ADGRB3: variants seen among roughly 807,000 people sequenced by gnomAD.
ADGRB3 encodes the protein adhesion G protein-coupled receptor B3, also known as brain-specific angiogenesis inhibitor 3.
A neutral mutation model predicts 193.4 loss-of-function variants in ADGRB3; 37 were observed. The ratio of observed to expected loss-of-function variants is 0.19; its 90% CI spans 0.15 to 0.25. The LOEUF (loss-of-function observed/expected upper bound fraction) is 0.25, where lower values mean the gene tolerates loss of function less well. Among genes scored for constraint, ADGRB3 ranks in the 10% least tolerant of loss-of-function variants. The pLI is 1.00. For missense variants in ADGRB3, 1,637 were observed against 1,852.9 expected (o/e 0.88, Z 2.14); for synonymous variants, 690 against 644.2 (o/e 1.07, Z -1.08).
At chr6:69,229,856 G>A (rs772146708) in intron 17 of ADGRB3, among the ~76,000 whole-genome samples, 2 of 152,158 alleles carry the variant, frequency 1.3e-5, no homozygotes, top group Non-Finnish European at 2.9e-5. Flanking sequence ...CTAGGAAACC[G>A]GGGAAAGGCA....
chr6:68,807,984 T>C (rs1767439265), intron 3 of ADGRB3, among the ~76,000 whole-genome samples: 1 of 152,186 alleles, frequency 6.6e-6, no homozygotes, highest in Non-Finnish European at 1.5e-5. Flanking sequence ...CTAACTTTAA[T>C]ATCTTTTTAC....
intron 29 of ADGRB3, among the ~76,000 whole-genome samples, chr6:69,364,956 T>A (rs1167454656): frequency 6.6e-6 from 1 of 152,108 alleles, no homozygotes; most frequent in African/African-American, 2.4e-5. Context: ...CCTTGGATTG[T>A]TCTTTATTTA....
chr6:68,913,395 G>A (rs1300197448), intron 3 of ADGRB3, among the ~76,000 whole-genome samples: 3 of 152,126 alleles, frequency 2.0e-5, no homozygotes, highest in Non-Finnish European at 2.9e-5. Flanking sequence ...ACGAAAATCC[G>A]CTGTTCTGCA....
At chr6:69,144,311 G>C (rs1425011271) in intron 17 of ADGRB3, among the ~76,000 whole-genome samples, 1 of 152,094 alleles carries the variant, frequency 6.6e-6, no homozygotes, top group Non-Finnish European at 1.5e-5. Flanking sequence ...TTTTTTCATG[G>C]AGTATTTAGT....
Position 69,339,463 on chromosome 6 carries a change from G to A in ADGRB3, c.3418G>A (p.Gly1140Ser). The A allele has an allele frequency of 1.2e-6, 2 of 1,613,976 alleles. No homozygotes were observed. Among genetic ancestry groups the A allele is most frequent in the Non-Finnish European group, 1.7e-6 (2 of 1,179,880 alleles). Reference sequence around the variant, plus strand: ...TTTTGCTGTGTTTGATTCATTGCAAGGCTTTGTTATAGTCATGGTCCACTG... The same window carrying A: ...TTTTGCTGTGTTTGATTCATTGCAAAGCTTTGTTATAGTCATGGTCCACTG... ...ILFAVFDSLQ[G>S]FVIVMVHCIL... The change falls in exon 26 of 32, where the codon GGC becomes AGC. Residue 1140 changes from glycine to serine, a missense_variant. By Grantham distance (56) the Gly-to-Ser change is moderately conservative. Transcript: ENST00000370598.
At chr6:68,715,774 C>T (rs886325945) in intron 3 of ADGRB3, among the ~76,000 whole-genome samples, 2 of 151,598 alleles carry the variant, frequency 1.3e-5, no homozygotes, top group East Asian at 1.9e-4. Flanking sequence ...AGGGTTCCAT[C>T]GGCTACAATT....
chr6:69,196,588 G>T (rs934446997), intron 17 of ADGRB3, among the ~76,000 whole-genome samples: 1 of 151,966 alleles, frequency 6.6e-6, no homozygotes, highest in Admixed American at 6.6e-5. Context: ...ATTGGATTAG[G>T]GTCACACCCA....
intron 15 of ADGRB3, among the ~76,000 whole-genome samples, chr6:69,055,866 G>A (rs1223381965): frequency 2.0e-5 from 3 of 151,730 alleles, no homozygotes; most frequent in Non-Finnish European, 2.9e-5. Context: ...GTCTCGCTCT[G>A]TTGCACAGGC....
At chr6:69,132,993 T>A (rs1004794709) in intron 17 of ADGRB3, among the ~76,000 whole-genome samples, 1 of 152,228 alleles carries the variant, frequency 6.6e-6, no homozygotes, top group Non-Finnish European at 1.5e-5. Context: ...ATATATCTGT[T>A]TTGGTACCAG....
chr6:69,286,056 C>T (rs1767545711), intron 20 of ADGRB3, among the ~76,000 whole-genome samples: 1 of 152,060 alleles, frequency 6.6e-6, no homozygotes, highest in Non-Finnish European at 1.5e-5. Context: ...TTACCTTAGA[C>T]CATTCTTGTT....
At chr6:68,739,581 C>G (rs1220303151) in intron 3 of ADGRB3, among the ~76,000 whole-genome samples, 3 of 151,890 alleles carry the variant, frequency 2.0e-5, no homozygotes, top group Non-Finnish European at 2.9e-5. Context: ...ATGGTGAGAG[C>G]CTTTGGCAAC....
intron 3 of ADGRB3, among the ~76,000 whole-genome samples, chr6:68,662,340 A>G (rs1768683637): frequency 6.6e-6 from 1 of 151,684 alleles, no homozygotes; most frequent in African/African-American, 2.4e-5. Context: ...TTTATTTTAC[A>G]TTATCAATAA....
intron 30 of ADGRB3, among the ~76,000 whole-genome samples, chr6:69,382,520 TA>T (rs936085048): frequency 1.3e-5 from 2 of 151,962 alleles, no homozygotes; most frequent in African/African-American, 4.8e-5. Context: ...ACAGTTTTTG[TA>T]AAACAGTTTT....
intron 20 of ADGRB3, among the ~76,000 whole-genome samples, chr6:69,297,353 T>TCTCC (rs1287436256): frequency 8.2e-6 from 1 of 122,348 alleles, no homozygotes; most frequent in Non-Finnish European, 1.7e-5. Context: ...TCTCTCTCTC[T>TCTCC]CTCTCTCTCT....
At position 69,331,701 on chromosome 6, in the gene ADGRB3, T is replaced by A. The variant is rs534595877; in HGVS notation, c.3102+1129T>A. 66 of 985,388 alleles carry A rather than the reference T, an allele frequency of 6.7e-5. No homozygotes were observed. The African/African-American group carries it at 1.0e-3, about 15-fold the overall frequency. The allele number at this position is 985,388 out of a possible 1,614,324, so 61.0% of individuals were successfully genotyped here. On this transcript the variant is annotated intron_variant, in intron 23 of 31. Transcript: ENST00000370598. ...TATTTAATCAACTGAACTATTTCCC[T>A]AAGCTTCTAGGTTAATGCCAATATA... is the stretch of plus-strand genomic sequence containing the variant.
chr6:69,200,567 A>G (rs560185513), intron 17 of ADGRB3, among the ~76,000 whole-genome samples: 1 of 152,254 alleles, frequency 6.6e-6, no homozygotes, highest in South Asian at 2.1e-4. Context: ...TGCAATTTTT[A>G]CTTGACTAAA....
At chr6:68,902,286 G>A (rs1163090532) in intron 3 of ADGRB3, among the ~76,000 whole-genome samples, 1 of 152,026 alleles carries the variant, frequency 6.6e-6, no homozygotes, top group Admixed American at 6.6e-5. Context: ...TAACAATAGA[G>A]ACGTTCTCTG....
intron 20 of ADGRB3, among the ~76,000 whole-genome samples, chr6:69,253,794 A>G (rs1269854868): frequency 6.6e-6 from 1 of 152,106 alleles, no homozygotes; most frequent in East Asian, 1.9e-4. Flanking sequence ...CAATATATCA[A>G]ACAGGATGCA....
chr6:68,762,202 A>G (rs1022422935), intron 3 of ADGRB3, among the ~76,000 whole-genome samples: 3 of 151,916 alleles, frequency 2.0e-5, no homozygotes, highest in Admixed American at 1.3e-4. Context: ...GTCTTGTTCA[A>G]TCCCTTCTCT....
Sources: gnomAD v4.1 joint callset for allele counts (sites outside exome capture counted in the v4.1 genomes callset) on GRCh38, gnomAD v4.1.1 for gene constraint, MANE v1.5 for transcripts, NCBI Gene and HGNC (gene_info 2026-07-23, HGNC 2026-07-21) for gene names.